ZMIZ1: variants seen among roughly 807,000 people sequenced by gnomAD.
The protein encoded by ZMIZ1 is zinc finger MIZ-type containing 1.
In ZMIZ1, 17 loss-of-function variants were observed where a neutral mutation model predicts 113.9. The ratio of observed to expected loss-of-function variants is 0.15; its 90% CI spans 0.10 to 0.22. The LOEUF (loss-of-function observed/expected upper bound fraction) is 0.22. Among genes scored for constraint, ZMIZ1 ranks in the 10% least tolerant of loss-of-function variants. The pLI, the probability that ZMIZ1 is intolerant of heterozygous loss-of-function variation, is 1.00. For synonymous variants in ZMIZ1, 607 were observed against 603.1 expected (o/e 1.01, Z -0.09); for missense variants, 1,059 against 1,477.8 (o/e 0.72, Z 4.65).
At chr10:79,094,456 C>G (rs1027976073) in intron 1 of ZMIZ1, among the ~76,000 whole-genome samples, 2 of 152,228 alleles carry the variant, frequency 1.3e-5, no homozygotes, top group African/African-American at 2.4e-5. Context: ...CTGCCACTGT[C>G]GGTTACTTTG....
chr10:79,213,922 A>G (rs867875001), intron 6 of ZMIZ1, among the ~76,000 whole-genome samples: 1 of 152,170 alleles, frequency 6.6e-6, no homozygotes, highest in African/African-American at 2.4e-5. Context: ...GCACCTATGT[A>G]CGTGGGAGCC....
At chr10:79,149,144 GCTCTGTCCCTAT>G (rs1486055970) in intron 3 of ZMIZ1, among the ~76,000 whole-genome samples, 10 of 152,186 alleles carry the variant, frequency 6.6e-5, no homozygotes, top group East Asian at 1.9e-4. Flanking sequence ...CTGGATCCCT[GCTCTGTCCCTAT>G]CTCTGTCCCT....
At chr10:79,187,498 T>C (rs942361018) in intron 4 of ZMIZ1, among the ~76,000 whole-genome samples, 2 of 152,124 alleles carry the variant, frequency 1.3e-5, no homozygotes, top group Non-Finnish European at 2.9e-5. Context: ...GAGTGAGAAT[T>C]CGATGGGATG....
Position 79,069,617 on chromosome 10 carries a change from G to A in ZMIZ1, c.-337+347G>A, listed in dbSNP as rs1247360863. ...CAGCCCTCGCTCCCTACACCCGGGG[G>A]CCGGGCAGGACCGGGAATCGGAGGA... On this transcript the variant is annotated intron_variant, in intron 1 of 24. Transcript: ENST00000334512. The surrounding 1 kb of genome is among the most constrained non-coding windows in gnomAD (Gnocchi z 4.6). 6.6e-6 allele frequency among the ~76,000 whole-genome samples: 1 copy of A among 151,974 alleles called. No individual in the cohort carries two copies. Among genetic ancestry groups the A allele is most frequent in the African/African-American group, 2.4e-5 (1 of 41,392 alleles).
Position 79,304,538 on chromosome 10 carries a change from G to T in ZMIZ1, c.2286+363G>T, listed in dbSNP as rs150552337. 4.7e-4 allele frequency among the ~76,000 whole-genome samples: 71 copies of T among 152,364 alleles called. No homozygotes were observed. In the East Asian group the frequency reaches 0.011, roughly 24 times the overall value. On this transcript the variant is annotated intron_variant, in intron 19 of 24. Transcript: ENST00000334512. ...GCATCAAGTCAGTGTTCAGGAAGTA[G>T]CCCTGGCGTGAGTGACAGCCCCAGT...
intron 7 of ZMIZ1, among the ~76,000 whole-genome samples, chr10:79,263,992 C>T (rs901936078): frequency 2.6e-5 from 4 of 152,156 alleles, no homozygotes; most frequent in African/African-American, 2.4e-5. Flanking sequence ...TTCACATAAC[C>T]CCTCCTTACC....
At chr10:79,243,706 C>T (rs1850014065) in intron 7 of ZMIZ1, 1 of 298,364 alleles carries the variant, frequency 3.4e-6, no homozygotes, top group South Asian at 2.4e-5. Context: ...CCCGAGGGCG[C>T]CAGGGCGGGA....
rs1371308884 is a variant in ZMIZ1, at chr10:79,069,223, TGGCGGCGGCGCGTCCTCCAGCGGC to T, written c.-380_-357del. Reference sequence around the variant, plus strand: ...GGCCCGAGCCTGCCCTACCCGGCGGTGGCGGCGGCGCGTCCTCCAGCGGCGGCAGCGGCGCTCGCAGCGCCCGGT... The same window carrying T: ...GGCCCGAGCCTGCCCTACCCGGCGGTGGCAGCGGCGCTCGCAGCGCCCGGT... On this transcript the variant is annotated 5_prime_UTR_variant, in exon 1 of 25. Coordinates refer to ENST00000334512, the MANE Select transcript of ZMIZ1 (RefSeq NM_020338.4). The surrounding 1 kb of genome is among the most constrained non-coding windows in gnomAD (Gnocchi z 4.6). 2 of 149,234 alleles carry T rather than the reference TGGCGGCGGCGCGTCCTCCAGCGGC, an allele frequency of 1.3e-5. No homozygotes were observed. Among genetic ancestry groups the T allele is most frequent in the East Asian group, 4.0e-4 (2 of 5,010 alleles). The allele number at this position is 149,234 out of a possible 1,614,324, so 9.2% of individuals were successfully genotyped here. A position where few individuals can be genotyped will look rare whatever the true frequency, so the allele number is the denominator to read the frequency against.
At chr10:79,264,538 C>A (rs1006373181) in intron 7 of ZMIZ1, among the ~76,000 whole-genome samples, 16 of 152,328 alleles carry the variant, frequency 1.1e-4, no homozygotes, top group African/African-American at 3.8e-4. Context: ...TCCGCCATTG[C>A]CCTGCCGCCA....
At chr10:79,190,442 G>A (rs1028416784) in intron 4 of ZMIZ1, among the ~76,000 whole-genome samples, 8 of 152,210 alleles carry the variant, frequency 5.3e-5, no homozygotes, top group African/African-American at 1.9e-4. Flanking sequence ...ATAGGCCTGC[G>A]CAGATCCCAG....
intron 4 of ZMIZ1, among the ~76,000 whole-genome samples, chr10:79,166,481 T>C (rs532666740): frequency 1.3e-3 from 201 of 152,336 alleles, no homozygotes; most frequent in Middle Eastern, 3.4e-3. Context: ...GGCCCTGCCG[T>C]GCCGGCCACC....
intron 3 of ZMIZ1, among the ~76,000 whole-genome samples, chr10:79,142,680 G>A (rs1163144246): frequency 1.3e-5 from 2 of 152,250 alleles, no homozygotes; most frequent in African/African-American, 2.4e-5. Flanking sequence ...CTGTGGGCAA[G>A]CGCATGCCTG....
Position 79,234,809 on chromosome 10 carries a change from T to C in ZMIZ1, c.280+18535T>C, listed in dbSNP as rs148290740. Among the ~76,000 whole-genome samples, 438 of 152,274 alleles carry C rather than the reference T, an allele frequency of 2.9e-3. 1 individual carries two copies. The highest frequency in any genetic ancestry group is 6.1e-3 in the Admixed American group (93 of 15,298). Reference sequence around the variant, plus strand: ...AGCAGGAGTCAGTTCAATAATGACATTTCTTCTTGGAGCCTACCCAGCCAG... The same window carrying C: ...AGCAGGAGTCAGTTCAATAATGACACTTCTTCTTGGAGCCTACCCAGCCAG... On this transcript the variant is annotated intron_variant, in intron 7 of 24. Coordinates refer to ENST00000334512, the MANE Select transcript of ZMIZ1 (RefSeq NM_020338.4).
chr10:79,119,489 T>C (rs1192799202), intron 2 of ZMIZ1, among the ~76,000 whole-genome samples: 1 of 152,192 alleles, frequency 6.6e-6, no homozygotes, highest in Non-Finnish European at 1.5e-5. Flanking sequence ...AAACTGAACG[T>C]CACTCACTCA....
chr10:79,261,639 C>G (rs1028813641), intron 7 of ZMIZ1, among the ~76,000 whole-genome samples: 2 of 152,218 alleles, frequency 1.3e-5, no homozygotes, highest in Admixed American at 6.5e-5. Flanking sequence ...GGCTCCAAGG[C>G]AGAGGGCTGA....
intron 23 of ZMIZ1, among the ~76,000 whole-genome samples, chr10:79,310,613 G>T (rs1040972217): frequency 1.1e-4 from 17 of 152,024 alleles, no homozygotes; most frequent in African/African-American, 3.6e-4. Flanking sequence ...GGGCGGGGAG[G>T]TGGAGGGGCC....
At position 79,270,286 on chromosome 10, in the gene ZMIZ1, T is replaced by A. The variant is rs536805233; in HGVS notation, c.281-6895T>A. ...GAAGCAGATGTTGGGAAGCTGGCTC[T>A]TCCTCGGTGCCTTCCTGCCTGGTCC... is the stretch of plus-strand genomic sequence containing the variant. On this transcript the variant is annotated intron_variant, in intron 7 of 24. Coordinates refer to ENST00000334512, the MANE Select transcript of ZMIZ1 (RefSeq NM_020338.4). Among the ~76,000 whole-genome samples, 283 of 152,342 alleles carry A rather than the reference T, an allele frequency of 1.9e-3. 1 individual carries two copies. Among genetic ancestry groups the A allele is most frequent in the African/African-American group, 6.6e-3 (274 of 41,574 alleles).
At position 79,305,563 on chromosome 10, in the gene ZMIZ1, G is replaced by A. The variant is rs756308358; in HGVS notation, c.2385G>A (p.Val795=). The stretch of plus-strand genomic sequence containing the variant: ...CCGCTCTGCTGGAGGGCCTGGAGGT[G>A]GATCAGTACATGTGGGGAATCCTGA... ...NKTALLEGLE[V]DQYMWGILNA... The change falls in exon 21 of 25, where the codon GTG becomes GTA. Residue 795 remains valine, a synonymous_variant. Coordinates refer to ENST00000334512, the MANE Select transcript of ZMIZ1 (RefSeq NM_020338.4). 4 of 1,614,134 alleles carry A rather than the reference G, an allele frequency of 2.5e-6. No individual in the cohort carries two copies. Among genetic ancestry groups the A allele is most frequent in the Admixed American group, 1.7e-5 (1 of 60,022 alleles).
intron 5 of ZMIZ1, among the ~76,000 whole-genome samples, chr10:79,207,178 A>G (rs879627998): frequency 6.6e-6 from 1 of 152,158 alleles, no homozygotes; most frequent in Non-Finnish European, 1.5e-5. Context: ...GGGCAGGCTC[A>G]TGCTGCAGGT....
Sources: gnomAD v4.1 joint callset for allele counts (sites outside exome capture counted in the v4.1 genomes callset) on GRCh38, gnomAD v4.1.1 for gene constraint, Gnocchi (gnomAD v3.1) non-coding constraint, MANE v1.5 for transcripts, NCBI Gene and HGNC (gene_info 2026-07-23, HGNC 2026-07-21) for gene names.